The following TAF4 variants were observed in gnomAD, a reference collection of about 807,000 sequenced individuals.
The protein encoded by TAF4 is TATA-box binding protein associated factor 4.
Under a neutral mutation model 90.3 loss-of-function variants are expected in TAF4, and 9 were observed. That is an observed-to-expected ratio of 0.10 (90% CI 0.06 to 0.17). The LOEUF is 0.17. TAF4 is among the 10% of genes least tolerant of loss of function. TAF4 has a pLI of 1.00. For synonymous variants in TAF4, 818 were observed against 638.9 expected (o/e 1.28, Z -4.23); for missense variants, 1,351 against 1,370.7 (o/e 0.99, Z 0.23).
intron 14 of TAF4, among the ~76,000 whole-genome samples, chr20:61,993,548 A>G (rs1222822142): frequency 6.6e-6 from 1 of 152,196 alleles, no homozygotes; most frequent in Non-Finnish European, 1.5e-5. Flanking sequence ...TTTTAAGTCA[A>G]GTTTAATGGG....
intron 1 of TAF4, among the ~76,000 whole-genome samples, chr20:62,028,739 C>T (rs6061400): frequency 1.3e-5 from 2 of 152,200 alleles, no homozygotes; most frequent in Non-Finnish European, 2.9e-5. Context: ...TGGCATCCAC[C>T]TGACCTCCAA....
At chr20:61,976,750 G>A (rs996161450) in intron 14 of TAF4, among the ~76,000 whole-genome samples, 1 of 152,252 alleles carries the variant, frequency 6.6e-6, no homozygotes, top group Non-Finnish European at 1.5e-5. Context: ...ATCCCCGCTT[G>A]GCTGCTGAAT....
At chr20:62,025,008 C>T (rs2055866904) in intron 1 of TAF4, among the ~76,000 whole-genome samples, 1 of 152,184 alleles carries the variant, frequency 6.6e-6, no homozygotes, top group Non-Finnish European at 1.5e-5. Context: ...GACACCACTA[C>T]ACACTCACTA....
At chr20:62,009,195 A>C (rs11906738) in intron 4 of TAF4, 21 bp from the exon 5 acceptor site, 5 of 1,589,594 alleles carry the variant, frequency 3.1e-6, no homozygotes, top group Non-Finnish European at 4.3e-6. Context: ...GTAAAAAGAT[A>C]TAAGTGAAAA....
intron 1 of TAF4, among the ~76,000 whole-genome samples, chr20:62,051,009 A>T (rs896953414): frequency 1.3e-5 from 2 of 152,206 alleles, no homozygotes; most frequent in South Asian, 4.1e-4. Context: ...CACCCCTCAC[A>T]GGGGAAGCAT....
chr20:62,028,538 T>C (rs898051941), intron 1 of TAF4, among the ~76,000 whole-genome samples: 9 of 152,256 alleles, frequency 5.9e-5, no homozygotes, highest in African/African-American at 1.9e-4. Flanking sequence ...CCTGGAACCA[T>C]CCCGAGAACA....
chr20:62,017,609 T>C (rs1034420235), intron 1 of TAF4, among the ~76,000 whole-genome samples: 1 of 152,314 alleles, frequency 6.6e-6, no homozygotes, highest in East Asian at 1.9e-4. Flanking sequence ...ATCGTGCCGC[T>C]GCACTCCAGT....
Position 62,010,601 on chromosome 20 carries a change from C to T in TAF4, c.1642-436G>A, listed in dbSNP as rs575913935. Among the ~76,000 whole-genome samples, 59 of 152,252 alleles carry T rather than the reference C, an allele frequency of 3.9e-4. No individual in the cohort carries two copies. Among genetic ancestry groups the T allele is most frequent in the Middle Eastern group, 3.4e-3 (1 of 294 alleles). On this transcript the variant is annotated intron_variant, in intron 3 of 14. Transcript: ENST00000252996. This position sits in a 1 kb window ranked among gnomAD's most constrained non-coding sequence, Gnocchi z 4.5. Reference sequence around the variant, plus strand: ...CCAGGTGCAGAGGCTGGCTACAGGGCGGTCAGGGCTCCACAGCCGCAGCCT... The same window carrying T: ...CCAGGTGCAGAGGCTGGCTACAGGGTGGTCAGGGCTCCACAGCCGCAGCCT...
In TAF4 at chr20:62,065,442, G is replaced by A. The variant is rs1447565423; in HGVS notation, c.369C>T (p.Ala123=). 34 of 976,394 alleles carry A rather than the reference G, an allele frequency of 3.5e-5. No individual in the cohort carries two copies. The highest frequency in any genetic ancestry group is 4.6e-5 in the South Asian group (1 of 21,872). The allele number at this position is 976,394 out of a possible 1,614,324, so 60.5% of individuals were successfully genotyped here. The stretch of plus-strand genomic sequence containing the variant: ...CCTCGGGCGGCGGCCTCAGCTTCGC[G>A]GCGGGCGGCGCGGGCCCTGCGGGGA... ...PLVPAGPAPP[A]AKLRPPPEGS... is the part of the protein sequence containing the mutation. Residue 123 remains alanine, a synonymous_variant, in exon 1 of 15, where the codon GCC becomes GCT. Transcript: ENST00000252996.
chr20:62,003,201 T>TGCA lies in TAF4; in HGVS notation c.2442_2444dup (p.Ala815dup), dbSNP rs2055718713. 1.2e-6 allele frequency: 2 copies of TGCA among 1,614,110 alleles called. No homozygotes were observed. On this transcript the variant is annotated inframe_insertion, in exon 9 of 15. Coordinates refer to ENST00000252996, the MANE Select transcript of TAF4 (RefSeq NM_003185.4). ...CAGGCTCCTTGAGTTTATTTTTCTGTGCAGCAGCTGCTTGTGCCGAGACAG... is the reference window on the plus strand; with the variant it reads ...CAGGCTCCTTGAGTTTATTTTTCTGTGCAGCAGCAGCTGCTTGTGCCGAGACAG...
chr20:62,065,018 C>T lies in TAF4; in HGVS notation c.793G>A (p.Ala265Thr). ...GGCGGGGGCGGGGCGGCGGCGGGGG[C>T]GGCGGGCGCGGGGGCGGCGGGGGGC... ...PSPPAAPAPAAPAAAPPPPPP... is the reference protein window; with the variant it reads ...PSPPAAPAPATPAAAPPPPPP... The change falls in exon 1 of 15, where the codon GCC becomes ACC. Residue 265 changes from alanine (A) to threonine (T), a missense_variant. Around this residue, in one of 9 missense-constraint regions of TAF4, gnomAD observed 782 missense variants for 536.6 expected, o/e 1.46. Transcript: ENST00000252996. 6.2e-6 allele frequency: 2 copies of T among 321,158 alleles called. No homozygotes were observed. The highest frequency in any genetic ancestry group is 1.9e-3 in the Middle Eastern group (1 of 538). The allele number at this position is 321,158 out of a possible 1,614,324, so 19.9% of individuals were successfully genotyped here.
chr20:62,037,562 T>C (rs2055939822), intron 1 of TAF4: 1 of 152,558 alleles, frequency 6.6e-6, no homozygotes, highest in African/African-American at 2.4e-5. Flanking sequence ...GCGCCCTGTA[T>C]GGATGAACCC....
At chr20:61,985,711 A>C (rs1421020088) in intron 14 of TAF4, among the ~76,000 whole-genome samples, 2 of 151,238 alleles carry the variant, frequency 1.3e-5, no homozygotes, top group Non-Finnish European at 2.9e-5. Context: ...GTGACGTCAG[A>C]CTAGATCCTG....
intron 14 of TAF4, among the ~76,000 whole-genome samples, chr20:61,986,531 T>A (rs1172824680): frequency 6.6e-6 from 1 of 151,182 alleles, no homozygotes; most frequent in African/African-American, 2.4e-5. Flanking sequence ...CCATCCCCCA[T>A]CAAAGGAAAC....
intron 14 of TAF4, among the ~76,000 whole-genome samples, chr20:61,996,060 C>T (rs528826446): frequency 2.6e-5 from 4 of 152,176 alleles, no homozygotes; most frequent in Non-Finnish European, 5.9e-5. Flanking sequence ...CACAGCAAAA[C>T]ACAACACAGA....
At position 62,003,225 on chromosome 20, in the gene TAF4, A is replaced by G. The variant is rs1322110880; in HGVS notation, c.2421T>C (p.Ala807=). 15 of 1,614,072 alleles carry G rather than the reference A, an allele frequency of 9.3e-6. No individual in the cohort carries two copies. Among genetic ancestry groups the G allele is most frequent in the Non-Finnish European group, 1.3e-5 (15 of 1,180,048 alleles). ...AVLPGTKALS[A]VSAQAAAAQK... Reference sequence around the variant, plus strand: ...GTGCAGCAGCTGCTTGTGCCGAGACAGCAGAAAGGGCTTTGGTTCCAGGTA... The same window carrying G: ...GTGCAGCAGCTGCTTGTGCCGAGACGGCAGAAAGGGCTTTGGTTCCAGGTA... Residue 807 remains alanine, a synonymous_variant, in exon 9 of 15, where the codon GCT becomes GCC. Coordinates refer to ENST00000252996, the MANE Select transcript of TAF4 (RefSeq NM_003185.4).
chr20:62,035,362 C>G (rs2055926603), intron 1 of TAF4, among the ~76,000 whole-genome samples: 1 of 152,158 alleles, frequency 6.6e-6, no homozygotes, highest in Non-Finnish European at 1.5e-5. Flanking sequence ...AAAGGACAGA[C>G]AGATAAACCA....
intron 2 of TAF4, among the ~76,000 whole-genome samples, chr20:62,014,037 T>TGG (rs1440388247): frequency 2.6e-4 from 36 of 139,550 alleles, no homozygotes; most frequent in African/African-American, 9.7e-4. Flanking sequence ...TGTGTGTGTG[T>TGG]GTGTGTGTAT....
At chr20:62,048,980 T>TC (rs1280463700) in intron 1 of TAF4, among the ~76,000 whole-genome samples, 1 of 75,770 alleles carries the variant, frequency 1.3e-5, no homozygotes. Context: ...CCGGGCTCCA[T>TC]CCCCCCCTGG....
Sources: allele counts gnomAD v4.1 joint callset (sites outside exome capture counted in the v4.1 genomes callset), GRCh38; gene constraint gnomAD v4.1.1; regional missense constraint gnomAD v4.1.1; non-coding constraint Gnocchi (gnomAD v3.1); transcripts MANE v1.5; gene names NCBI Gene and HGNC (gene_info 2026-07-23, HGNC 2026-07-21).